The following MTARC1 variants were observed in gnomAD, a reference collection of about 807,000 sequenced individuals.
MTARC1 encodes the protein mitochondrial amidoxime reducing component 1, also known as mitochondrial amidoxime-reducing component 1.
Under a neutral mutation model 33.6 loss-of-function variants are expected in MTARC1, and 24 were observed. The observed-to-expected ratio is 0.72, with a 90% CI of 0.52 to 1.01. The LOEUF is 1.01. Ranked by LOEUF, MTARC1 falls within the 50% of genes least tolerant of loss-of-function variation. The probability of loss-of-function intolerance (pLI) is 0.00; values close to 1 mark genes in which losing one functional copy is unlikely to be tolerated. For missense variants in MTARC1, 417 were observed against 445.7 expected, an observed-to-expected ratio of 0.94 and a Z score of 0.58; for synonymous variants, 187 against 189.5, an observed-to-expected ratio of 0.99 and a Z score of 0.11.
chr1:220,808,966 T>C (rs933883528), intron 6 of MTARC1: 21 of 458,288 alleles, frequency 4.6e-5, no homozygotes, highest in Non-Finnish European at 8.9e-5. Context: ...GCACAGTTAC[T>C]GCATGGGTAC....
At position 220,818,221 on chromosome 1, in the gene MTARC1, A is replaced by G. The variant is rs1234383345; in HGVS notation, c.*4803A>G. 1.3e-5 allele frequency: 2 copies of G among 152,280 alleles called. No individual in the cohort carries two copies. Among genetic ancestry groups the G allele is most frequent in the Non-Finnish European group, 2.9e-5 (2 of 68,080 alleles). The allele number at this position is 152,280 out of a possible 1,614,324, so 9.4% of individuals were successfully genotyped here. ...CTCTTCACAGGAAGAGGCTTGGGCCACAGCTCTGACTATAACTCTGCTCTT... is the reference window on the plus strand; with the variant it reads ...CTCTTCACAGGAAGAGGCTTGGGCCGCAGCTCTGACTATAACTCTGCTCTT... On this transcript the variant is annotated 3_prime_UTR_variant, in exon 7 of 7. Transcript: ENST00000366910.
chr1:220,801,346 C>A (rs982820168), intron 4 of MTARC1, among the ~76,000 whole-genome samples: 1 of 112,468 alleles, frequency 8.9e-6, no homozygotes. Context: ...GCTCACCCAG[C>A]CCCCCCCACA....
intron 1 of MTARC1, among the ~76,000 whole-genome samples, 188 bp downstream of exon 1, chr1:220,787,407 G>A (rs1288326091): frequency 1.3e-5 from 2 of 152,144 alleles, no homozygotes; most frequent in African/African-American, 4.8e-5. Flanking sequence ...TCAGACCCCA[G>A]GGCTCTGGGA....
chr1:220,815,035 TAC>T lies in MTARC1; in HGVS notation c.*1619_*1620del, dbSNP rs1267553628. On this transcript the variant is annotated 3_prime_UTR_variant, in exon 7 of 7. Transcript: ENST00000366910. ...GCTTGTTTTATGGTTGGTGAATTAT[TAC>T]AGTTTGTTTTCTGCATGCTTGGCAT... is the stretch of plus-strand genomic sequence containing the variant. 1 of 152,266 alleles carries T rather than the reference TAC, an allele frequency of 6.6e-6. No homozygotes were observed. Among genetic ancestry groups the T allele is most frequent in the Non-Finnish European group, 1.5e-5 (1 of 68,052 alleles). 9.4% of individuals were successfully genotyped at this position (152,266 alleles called of 1,614,324 possible).
rs1389251190 is a variant in MTARC1 at position 220,815,957 on chromosome 1, C to T, written c.*2539C>T. On this transcript the variant is annotated 3_prime_UTR_variant, in exon 7 of 7. Coordinates refer to ENST00000366910, the MANE Select transcript of MTARC1 (RefSeq NM_022746.4). ...TGCCTAAAGGCTTGCTTTTGTGACT[C>T]TCCTGCAGAAAATGTTAGAAACTTC... 1 of 152,168 alleles carries T rather than the reference C, an allele frequency of 6.6e-6. No homozygotes were observed. Among genetic ancestry groups the T allele is most frequent in the Non-Finnish European group, 1.5e-5 (1 of 68,048 alleles). 9.4% of individuals were successfully genotyped at this position (152,168 alleles called of 1,614,324 possible).
rs886358286 is a variant in MTARC1, at chr1:220,816,710, G to A, written c.*3292G>A. ...GGGGTGCACTCATGGGAAGACTGAA[G>A]AAGTTAAAAGTTCCCGCCAAGTGAA... On this transcript the variant is annotated 3_prime_UTR_variant, in exon 7 of 7. Transcript: ENST00000366910. 4 of 152,274 alleles carry A rather than the reference G, an allele frequency of 2.6e-5. No homozygotes were observed. Among genetic ancestry groups the A allele is most frequent in the African/African-American group, 9.6e-5 (4 of 41,456 alleles). 9.4% of individuals were successfully genotyped at this position (152,274 alleles called of 1,614,324 possible).
intron 4 of MTARC1, 49 bp downstream of exon 4, chr1:220,798,063 A>G: frequency 6.2e-7 from 1 of 1,613,886 alleles, no homozygotes; most frequent in South Asian, 1.1e-5. Context: ...CTTCTTTTTT[A>G]AGGTATGAGA....
intron 4 of MTARC1, among the ~76,000 whole-genome samples, chr1:220,803,618 G>C (rs532915456): frequency 4.4e-4 from 67 of 152,182 alleles, no homozygotes; most frequent in African/African-American, 1.2e-3. Flanking sequence ...GGCTTGTCCT[G>C]TTTGAACTGG....
rs779092739 is a variant in MTARC1 at position 220,787,121 on chromosome 1, G to T, written c.177G>T (p.Ala59=). 16 of 1,547,360 alleles carry T rather than the reference G, an allele frequency of 1.0e-5. No homozygotes were observed. In the South Asian group the frequency reaches 1.8e-4, roughly 17 times the overall value. The change falls in exon 1 of 7, where the codon GCG becomes GCT. Residue 59 remains alanine, a synonymous_variant. Transcript: ENST00000366910. ...RRLLQQVGTV[A]QLWIYPVKSC... Reference sequence around the variant, plus strand: ...TGCTGCAGCAGGTGGGCACAGTGGCGCAGCTCTGGATCTACCCTGTGAAAT... The same window carrying T: ...TGCTGCAGCAGGTGGGCACAGTGGCTCAGCTCTGGATCTACCCTGTGAAAT...
intron 4 of MTARC1, among the ~76,000 whole-genome samples, chr1:220,801,146 A>G (rs1343319512): frequency 1.3e-5 from 2 of 152,144 alleles, no homozygotes; most frequent in African/African-American, 4.8e-5. Context: ...AAGGCCCAAC[A>G]TGACCTGCAC....
In MTARC1 at chr1:220,796,842, T is replaced by A. The variant is rs775807858; in HGVS notation, c.612+37T>A. The A allele has an allele frequency of 1.9e-6, 3 of 1,559,122 alleles. No homozygotes were observed. The South Asian group carries it at 3.6e-5, about 19-fold the overall frequency. Reference sequence around the variant, plus strand: ...TGCTGCCTCCATGGGTAGAAAGCAGTCACCCCCAGATCAGGGGGCTCAGGT... The same window carrying A: ...TGCTGCCTCCATGGGTAGAAAGCAGACACCCCCAGATCAGGGGGCTCAGGT... On this transcript the variant is annotated intron_variant, in intron 3 of 6. Transcript: ENST00000366910.
intron 6 of MTARC1, among the ~76,000 whole-genome samples, chr1:220,811,584 C>CT (rs995487737): frequency 9.9e-5 from 15 of 151,934 alleles, no homozygotes; most frequent in South Asian, 8.4e-4. Context: ...CACTTTTTCA[C>CT]TTTTTTTTAA....
Position 220,787,817 on chromosome 1 carries a change from G to A in MTARC1, c.275+598G>A, listed in dbSNP as rs11802898. On this transcript the variant is annotated intron_variant, in intron 1 of 6. Coordinates refer to ENST00000366910, the MANE Select transcript of MTARC1 (RefSeq NM_022746.4). ...CCAGCCTGACCAACATGGTGAAACC[G>A]CGTCTCTACTAAAAACAAACAAACA... is the stretch of plus-strand genomic sequence containing the variant. 9.1e-3 allele frequency among the ~76,000 whole-genome samples: 1,380 copies of A among 152,014 alleles called. 19 individuals carry two copies. The highest frequency in any genetic ancestry group is 0.03 in the African/African-American group (1,234 of 41,452).
intron 6 of MTARC1, among the ~76,000 whole-genome samples, chr1:220,805,571 A>C (rs1239065108): frequency 1.3e-5 from 2 of 152,170 alleles, no homozygotes. Context: ...GTATTAGATG[A>C]TACCAAAAAA....
chr1:220,802,956 C>T (rs1229701290), intron 4 of MTARC1, among the ~76,000 whole-genome samples: 2 of 152,222 alleles, frequency 1.3e-5, no homozygotes, highest in Non-Finnish European at 2.9e-5. Flanking sequence ...AGTGGCTCTC[C>T]ATGTCACAAA....
At chr1:220,802,587 C>G (rs1298195244) in intron 4 of MTARC1, among the ~76,000 whole-genome samples, 2 of 152,258 alleles carry the variant, frequency 1.3e-5, no homozygotes, top group Non-Finnish European at 2.9e-5. Context: ...CCGCCTTGGC[C>G]TCCCAAAGTG....
intron 4 of MTARC1, 144 bp from the exon 5 acceptor site, chr1:220,804,908 C>A: frequency 1.2e-6 from 1 of 855,038 alleles, no homozygotes; most frequent in Non-Finnish European, 2.0e-6. Flanking sequence ...TATCACTTGG[C>A]AGAGCAGGGC....
intron 6 of MTARC1, among the ~76,000 whole-genome samples, chr1:220,809,282 T>G (rs1248546631): frequency 6.6e-6 from 1 of 152,218 alleles, no homozygotes; most frequent in Non-Finnish European, 1.5e-5. Flanking sequence ...GATAAAATAC[T>G]GTACACAGTG....
At chr1:220,801,468 G>C (rs1474070205) in intron 4 of MTARC1, among the ~76,000 whole-genome samples, 1 of 152,100 alleles carries the variant, frequency 6.6e-6, no homozygotes, top group Non-Finnish European at 1.5e-5. Flanking sequence ...CCCTAGGAGA[G>C]CCCCTGGTAC....
Sources: allele counts gnomAD v4.1 joint callset (sites outside exome capture counted in the v4.1 genomes callset), GRCh38; gene constraint gnomAD v4.1.1; transcripts MANE v1.5; gene names NCBI Gene and HGNC (gene_info 2026-07-23, HGNC 2026-07-21).